The following PIK3R5 variants were observed in gnomAD, a reference collection of about 807,000 sequenced individuals.
PIK3R5 encodes the protein phosphoinositide-3-kinase regulatory subunit 5, also known as phosphoinositide 3-kinase regulatory subunit 5.
A neutral mutation model predicts 94.9 loss-of-function variants in PIK3R5; 32 were observed. The observed-to-expected ratio is 0.34, with a 90% confidence interval of 0.25 to 0.45. The LOEUF (loss-of-function observed/expected upper bound fraction) is 0.45. Among genes scored for constraint, PIK3R5 ranks in the 20% least tolerant of loss-of-function variants. The pLI is 1.00. For synonymous variants in PIK3R5, 443 were observed against 479.4 expected, an observed-to-expected ratio of 0.92 and a Z score of 0.99; for missense variants, 853 against 1,144.6, an observed-to-expected ratio of 0.75 and a Z score of 3.68.
intron 5 of PIK3R5, among the ~76,000 whole-genome samples, chr17:8,902,487 C>T (rs2090308923): frequency 6.6e-6 from 1 of 152,080 alleles, no homozygotes; most frequent in Non-Finnish European, 1.5e-5. Context: ...CTCCAGACCT[C>T]ATGATCTGCC....
In PIK3R5 at chr17:8,927,651, C is replaced by T. The variant is rs868114756; in HGVS notation, c.-13-16144G>A. Among the ~76,000 whole-genome samples the T allele has an allele frequency of 7.9e-5, 12 of 152,288 alleles. No homozygotes were observed. In the East Asian group the frequency reaches 1.5e-3, roughly 20 times the overall value. ...TGTAGCTGTAAGGAGGCACTCCTAC[C>T]GTTTCTAGCCAGAGACGTATCAGTG... is the stretch of plus-strand genomic sequence containing the variant. On this transcript the variant is annotated intron_variant, in intron 1 of 18. Coordinates refer to ENST00000447110, the MANE Select transcript of PIK3R5 (RefSeq NM_001142633.3).
rs200317598 is a variant in PIK3R5, at chr17:8,886,479, C to G, written c.2032G>C (p.Glu678Gln). 1 of 1,602,746 alleles carries G rather than the reference C, an allele frequency of 6.2e-7. No homozygotes were observed. The change falls in exon 13 of 19, where the codon GAG becomes CAG. Residue 678 changes from glutamate (E) to glutamine (Q), a missense_variant and splice_region_variant. By Grantham distance (29) the Glu-to-Gln change is conservative. Around this residue, in one of 6 missense-constraint regions of PIK3R5, gnomAD observed 173 missense variants for 274.1 expected, o/e 0.63. Coordinates refer to ENST00000447110, the MANE Select transcript of PIK3R5 (RefSeq NM_001142633.3). ...RPVLLQVYQT[E>Q]LTFITGEKTT... ...GGTTCGGGGCAGGGAGGCCTTACCT[C>G]GGTCTGATAGACTTGCAGCAGCACC...
Position 8,904,894 on chromosome 17 carries a change from A to T in PIK3R5, c.295T>A (p.Ser99Thr). Residue 99 changes from serine to threonine, a missense_variant, in exon 5 of 19, where the codon TCG (serine) becomes ACG (threonine). By Grantham distance (58) the Ser-to-Thr change is moderately conservative (BLOSUM62 1). Coordinates refer to ENST00000447110, the MANE Select transcript of PIK3R5 (RefSeq NM_001142633.3). This position sits in a 1 kb window ranked among gnomAD's most constrained non-coding sequence, Gnocchi z 5.1. ...VLCTPHFPPD[S>T]DLLLKAASTY... is the part of the protein sequence containing the mutation. ...CTGGCTGCCTTCAGAAGGAGATCCGAGTCTGGTGGGAAGTGTGGTGTCTAG... is the reference window on the plus strand; with the variant it reads ...CTGGCTGCCTTCAGAAGGAGATCCGTGTCTGGTGGGAAGTGTGGTGTCTAG... The T allele has an allele frequency of 6.2e-7, 1 of 1,613,506 alleles. No homozygotes were observed. The highest frequency in any genetic ancestry group is 1.1e-5 in the South Asian group (1 of 91,082).
chr17:8,919,828 T>TTCCTCTCCTC (rs373591842), intron 1 of PIK3R5, among the ~76,000 whole-genome samples: 1 of 151,910 alleles, frequency 6.6e-6, no homozygotes, highest in African/African-American at 2.4e-5. Flanking sequence ...CAGAGTTTCC[T>TTCCTCTCCTC]TCCTCTCCTC....
chr17:8,886,202 G>A (rs200090849), intron 14 of PIK3R5, 27 bp downstream of exon 14: 13 of 1,568,926 alleles, frequency 8.3e-6, no homozygotes, highest in African/African-American at 8.1e-5. Flanking sequence ...CCGCCTCACC[G>A]TCTGTCTCTG....
intron 5 of PIK3R5, among the ~76,000 whole-genome samples, chr17:8,898,073 C>T: frequency 6.6e-6 from 1 of 152,220 alleles, no homozygotes; most frequent in South Asian, 2.1e-4. Flanking sequence ...GTTTCTGGAA[C>T]ACCTGCCTCT....
chr17:8,954,276 C>A (rs569058920), intron 1 of PIK3R5, among the ~76,000 whole-genome samples: 47 of 152,300 alleles, frequency 3.1e-4, no homozygotes, highest in African/African-American at 1.1e-3. Flanking sequence ...GTTAGTAATA[C>A]TTTAATTTGC....
chr17:8,932,080 A>G (rs1348911128), intron 1 of PIK3R5, among the ~76,000 whole-genome samples: 1 of 152,246 alleles, frequency 6.6e-6, no homozygotes, highest in African/African-American at 2.4e-5. Context: ...TTACTAGGGA[A>G]GTAATTCAAT....
chr17:8,947,447 C>T (rs1160053321), intron 1 of PIK3R5, among the ~76,000 whole-genome samples: 3 of 152,090 alleles, frequency 2.0e-5, no homozygotes, highest in Non-Finnish European at 2.9e-5. Context: ...TAGTCAGACG[C>T]GAGTCATAGA....
chr17:8,939,545 G>C (rs965206491), intron 1 of PIK3R5, among the ~76,000 whole-genome samples: 6 of 152,174 alleles, frequency 3.9e-5, no homozygotes, highest in Non-Finnish European at 8.8e-5. Context: ...CCTAAACGTA[G>C]TAAAGAGCAT....
At chr17:8,940,089 G>A (rs737535) in intron 1 of PIK3R5, among the ~76,000 whole-genome samples, 7,224 of 152,214 alleles carry the variant, frequency 0.047, 198 homozygotes, top group Middle Eastern at 0.095. Flanking sequence ...ACTTCACAAG[G>A]GCAGCCCCTA....
intron 1 of PIK3R5, among the ~76,000 whole-genome samples, chr17:8,956,214 C>CA (rs780413912): frequency 0.032 from 4,490 of 140,510 alleles, 96 homozygotes; most frequent in African/African-American, 0.042. Context: ...ATGGAGACTT[C>CA]AAAAAAAAAA....
At chr17:8,907,116 T>G in intron 3 of PIK3R5, among the ~76,000 whole-genome samples, 1 of 152,088 alleles carries the variant, frequency 6.6e-6, no homozygotes. Context: ...CTCCGCCTCC[T>G]GGGTTCAACC....
chr17:8,947,090 A>G (rs1299642229), intron 1 of PIK3R5, among the ~76,000 whole-genome samples: 1 of 6,754 alleles, frequency 1.5e-4, no homozygotes, highest in East Asian at 1.2e-3. Context: ...AGAGAAGCGC[A>G]TGGGATGGGA....
At chr17:8,937,096 A>G (rs1311517407) in intron 1 of PIK3R5, among the ~76,000 whole-genome samples, 1 of 152,208 alleles carries the variant, frequency 6.6e-6, no homozygotes, top group African/African-American at 2.4e-5. Flanking sequence ...TTGTGTATTT[A>G]TCTTGCACTC....
intron 1 of PIK3R5, among the ~76,000 whole-genome samples, chr17:8,936,915 G>T (rs2091087632): frequency 6.6e-6 from 1 of 152,072 alleles, no homozygotes; most frequent in South Asian, 2.1e-4. Context: ...CATTTATTTA[G>T]ATTTCTGTAG....
rs746764831 is a variant in PIK3R5 at position 8,886,475 on chromosome 17, A to G, written c.2034+2T>C. ...AGGCGGTTCGGGGCAGGGAGGCCTT[A>G]CCTCGGTCTGATAGACTTGCAGCAG... On this transcript the variant is annotated splice_donor_variant, in intron 13 of 18. Coordinates refer to ENST00000447110, the MANE Select transcript of PIK3R5 (RefSeq NM_001142633.3). LOFTEE classifies it high-confidence loss of function. 3.7e-6 allele frequency: 6 copies of G among 1,601,758 alleles called. No individual in the cohort carries two copies. In the South Asian group the frequency reaches 6.7e-5, roughly 18 times the overall value.
intron 1 of PIK3R5, among the ~76,000 whole-genome samples, chr17:8,924,596 C>A (rs1342726005): frequency 6.6e-6 from 1 of 152,140 alleles, no homozygotes; most frequent in Non-Finnish European, 1.5e-5. Flanking sequence ...CCATTTACCA[C>A]CCCGTCTTCT....
At chr17:8,946,991 G>A (rs1327123732) in intron 1 of PIK3R5, among the ~76,000 whole-genome samples, 1 of 152,176 alleles carries the variant, frequency 6.6e-6, no homozygotes, top group East Asian at 1.9e-4. Flanking sequence ...CCATTAGAAT[G>A]TGAGCTCCAT....
Sources: gnomAD v4.1 joint callset for allele counts (sites outside exome capture counted in the v4.1 genomes callset) on GRCh38, gnomAD v4.1.1 for gene constraint, gnomAD v4.1.1 regional missense constraint, Gnocchi (gnomAD v3.1) non-coding constraint, MANE v1.5 for transcripts, NCBI Gene and HGNC (gene_info 2026-07-23, HGNC 2026-07-21) for gene names.